The following DMXL1 variants were observed in gnomAD, a reference collection of about 807,000 sequenced individuals.
DMXL1 encodes the protein dmX-like protein 1.
A neutral mutation model predicts 319.2 loss-of-function variants in DMXL1; 99 were observed. The ratio of observed to expected loss-of-function variants is 0.31; its 90% CI spans 0.26 to 0.37. DMXL1 has a LOEUF of 0.37. Ranked by LOEUF, DMXL1 falls within the 10% of genes least tolerant of loss-of-function variation. The pLI is 1.00. For missense variants in DMXL1, 3,745 were observed against 3,595.6 expected (o/e 1.04, Z -1.06); for synonymous variants, 1,385 against 1,235.2 (o/e 1.12, Z -2.54).
At chr5:119,241,043 C>T (rs1426369160) in intron 42 of DMXL1, among the ~76,000 whole-genome samples, 3 of 152,042 alleles carry the variant, frequency 2.0e-5, no homozygotes, top group Non-Finnish European at 4.4e-5. Flanking sequence ...TTTTTATTCC[C>T]CCCAGAATTT....
At chr5:119,086,966 C>A (rs963208870) in intron 1 of DMXL1, among the ~76,000 whole-genome samples, 1 of 151,862 alleles carries the variant, frequency 6.6e-6, no homozygotes, top group African/African-American at 2.4e-5. Flanking sequence ...CCACTCACTT[C>A]TGGATTTTAT....
At position 119,093,770 on chromosome 5, in the gene DMXL1, A is replaced by G. The variant is rs376409846; in HGVS notation, c.88-4209A>G. 2.7e-4 allele frequency among the ~76,000 whole-genome samples: 41 copies of G among 152,338 alleles called. 1 individual carries two copies. Among genetic ancestry groups the G allele is most frequent in the African/African-American group, 9.9e-4 (41 of 41,584 alleles). On this transcript the variant is annotated intron_variant, in intron 1 of 43. Transcript: ENST00000539542. ...AAACTATTAATTAAAGTTCTGCTCC[A>G]TTGAACACATGAATGATAAGGAAGC...
chr5:119,150,019 A>G lies in DMXL1; in HGVS notation c.4192A>G (p.Thr1398Ala), dbSNP rs935113525. The change falls in exon 18 of 44, where the codon ACA becomes GCA. Residue 1398 changes from threonine (T) to alanine (A), a missense_variant. Around this residue, in one of 4 missense-constraint regions of DMXL1, gnomAD observed 2,096 missense variants for 1,985.4 expected, o/e 1.06. Transcript: ENST00000539542. ...AFNKAENTDY[T>A]EIDSVPPLPL... Reference sequence around the variant, plus strand: ...CAACAAGGCTGAAAATACAGATTACACAGAAATAGATTCTGTTCCTCCACT... The same window carrying G: ...CAACAAGGCTGAAAATACAGATTACGCAGAAATAGATTCTGTTCCTCCACT... 1 of 1,613,982 alleles carries G rather than the reference A, an allele frequency of 6.2e-7. No individual in the cohort carries two copies. The highest frequency in any genetic ancestry group is 8.5e-7 in the Non-Finnish European group (1 of 1,179,930).
intron 1 of DMXL1, among the ~76,000 whole-genome samples, chr5:119,078,315 A>G (rs974144762): frequency 1.3e-5 from 2 of 152,160 alleles, no homozygotes; most frequent in Admixed American, 1.3e-4. Context: ...ACTTTCTAGT[A>G]TTAAGGAGAA....
chr5:119,118,611 A>G (rs1245062813), intron 7 of DMXL1, among the ~76,000 whole-genome samples: 9 of 152,194 alleles, frequency 5.9e-5, no homozygotes, highest in Admixed American at 5.9e-4. Context: ...ACGTTTGGCA[A>G]CATTATTGAA....
intron 28 of DMXL1, among the ~76,000 whole-genome samples, chr5:119,189,381 A>G (rs1354275766): frequency 6.6e-6 from 1 of 152,178 alleles, no homozygotes; most frequent in Non-Finnish European, 1.5e-5. Context: ...AGCAAAGTAG[A>G]AGGATGTTGG....
intron 5 of DMXL1, among the ~76,000 whole-genome samples, chr5:119,112,904 C>T (rs914055313): frequency 1.3e-5 from 2 of 151,272 alleles, no homozygotes; most frequent in African/African-American, 4.9e-5. Context: ...TACAATGAGC[C>T]GAGATCACAC....
At chr5:119,144,040 A>G in intron 14 of DMXL1, 110 bp downstream of exon 14, 1 of 652,312 alleles carries the variant, frequency 1.5e-6, no homozygotes, top group Non-Finnish European at 2.6e-6. Context: ...ATTTACAGGT[A>G]GATTCAGTAA....
Position 119,170,757 on chromosome 5 carries a change from T to C in DMXL1, c.5966T>C (p.Leu1989Ser). The C allele has an allele frequency of 6.2e-7, 1 of 1,612,486 alleles. No individual in the cohort carries two copies. Among genetic ancestry groups the C allele is most frequent in the Non-Finnish European group, 8.5e-7 (1 of 1,179,684 alleles). The part of the protein sequence containing the change: ...VPISMKELKP[L>S]QRKTDKKLDD... ...ATTTCAATGAAAGAACTAAAACCTT[T>C]ACAGAGAAAAACAGATAAAAAGTTG... Residue 1989 changes from leucine (L) to serine (S), a missense_variant, in exon 24 of 44, where the codon TTA becomes TCA. By Grantham distance (145) the Leu-to-Ser change is moderately radical (BLOSUM62 -2). Coordinates refer to ENST00000539542, the MANE Select transcript of DMXL1 (RefSeq NM_001290321.3).
intron 28 of DMXL1, among the ~76,000 whole-genome samples, chr5:119,188,331 G>T (rs759599664): frequency 6.6e-6 from 1 of 152,096 alleles, no homozygotes; most frequent in Admixed American, 6.5e-5. Flanking sequence ...CTACTCAGGC[G>T]TCTGAGGTGT....
intron 1 of DMXL1, among the ~76,000 whole-genome samples, chr5:119,094,869 T>A (rs952665909): frequency 3.6e-4 from 55 of 151,188 alleles, no homozygotes; most frequent in Non-Finnish European, 5.5e-4. Flanking sequence ...TTTTTTTTTT[T>A]AATTTTTTAT....
chr5:119,118,777 A>C, intron 7 of DMXL1, 38 bp from the exon 8 acceptor site: 1 of 1,503,880 alleles, frequency 6.6e-7, no homozygotes, highest in Non-Finnish European at 9.0e-7. Context: ...ACTATGTGAA[A>C]TTTGTATTTT....
intron 39 of DMXL1, 68 bp downstream of exon 39, chr5:119,233,535 G>T: frequency 6.9e-7 from 1 of 1,443,160 alleles, no homozygotes; most frequent in South Asian, 1.2e-5. Context: ...CACTAGTTTG[G>T]GTTTCTGAAA....
chr5:119,122,908 C>G (rs892870437), intron 9 of DMXL1, among the ~76,000 whole-genome samples: 7 of 152,152 alleles, frequency 4.6e-5, no homozygotes, highest in African/African-American at 7.2e-5. Flanking sequence ...GGGTGGCGGC[C>G]GGGCAGAGGC....
At chr5:119,142,972 G>C (rs1422944640) in intron 13 of DMXL1, among the ~76,000 whole-genome samples, 2 of 152,184 alleles carry the variant, frequency 1.3e-5, no homozygotes, top group South Asian at 4.1e-4. Context: ...CAAACTAACA[G>C]GAATAGAAAA....
intron 19 of DMXL1, among the ~76,000 whole-genome samples, chr5:119,153,375 G>A (rs182520192): frequency 1.3e-5 from 2 of 152,288 alleles, no homozygotes; most frequent in East Asian, 3.9e-4. Context: ...ATACAAAGTG[G>A]AATGATTAAG....
chr5:119,229,712 T>A (rs1786304816), intron 38 of DMXL1, among the ~76,000 whole-genome samples: 1 of 152,206 alleles, frequency 6.6e-6, no homozygotes, highest in Non-Finnish European at 1.5e-5. Flanking sequence ...TAGTTTTAAT[T>A]ACATATATTG....
chr5:119,086,871 A>T (rs1753494169), intron 1 of DMXL1, among the ~76,000 whole-genome samples: 2 of 152,084 alleles, frequency 1.3e-5, no homozygotes, highest in Non-Finnish European at 1.5e-5. Flanking sequence ...TATGGCTTCC[A>T]TCTCATTACT....
At chr5:119,087,712 G>A (rs1166044324) in intron 1 of DMXL1, among the ~76,000 whole-genome samples, 1 of 151,990 alleles carries the variant, frequency 6.6e-6, no homozygotes, top group Non-Finnish European at 1.5e-5. Context: ...TGATTCTTCT[G>A]TTAGATCTGT....
Sources: allele counts gnomAD v4.1 joint callset (sites outside exome capture counted in the v4.1 genomes callset), GRCh38; gene constraint gnomAD v4.1.1; regional missense constraint gnomAD v4.1.1; transcripts MANE v1.5; gene names NCBI Gene and HGNC (gene_info 2026-07-23, HGNC 2026-07-21).